PADI6: variants seen among roughly 807,000 people sequenced by gnomAD.
PADI6 encodes the protein inactive protein-arginine deiminase type-6.
A neutral mutation model predicts 78.2 loss-of-function variants in PADI6; 66 were observed. The observed-to-expected ratio is 0.84, with a 90% CI of 0.69 to 1.04. The LOEUF is 1.04. Among genes scored for constraint, PADI6 ranks in the 50% least tolerant of loss-of-function variants. The pLI is 0.00. For missense variants in PADI6, 854 were observed against 866.1 expected, an observed-to-expected ratio of 0.99 and a Z score of 0.18; for synonymous variants, 397 against 346.9, an observed-to-expected ratio of 1.14 and a Z score of -1.60.
intron 3 of PADI6, 33 bp downstream of exon 3, chr1:17,375,532 C>A: frequency 6.4e-7 from 1 of 1,557,044 alleles, no homozygotes; most frequent in East Asian, 2.3e-5. Flanking sequence ...GCCTGGGGCC[C>A]AACTCACCGC....
rs67558374 is a variant in PADI6, at chr1:17,395,210, T to C, written c.1494+103T>C. The C allele has an allele frequency of 2.8e-4, 379 of 1,363,540 alleles. 3 individuals carry two copies. In the African/African-American group the frequency reaches 6.0e-3, roughly 22 times the overall value. 84.5% of individuals were successfully genotyped at this position (1,363,540 alleles called of 1,614,324 possible). ...ACTGGCTTTTTCTTGTTTTTTTTTTTTTTTGTTTGTTTTTTGAGAGTCTTG... is the reference window on the plus strand; with the variant it reads ...ACTGGCTTTTTCTTGTTTTTTTTTTCTTTTGTTTGTTTTTTGAGAGTCTTG... On this transcript the variant is annotated intron_variant, in intron 12 of 15. Transcript: ENST00000619609.
intron 1 of PADI6, among the ~76,000 whole-genome samples, chr1:17,372,617 T>A (rs1352878284): frequency 6.6e-6 from 1 of 152,078 alleles, no homozygotes; most frequent in Non-Finnish European, 1.5e-5. Flanking sequence ...TGTTCCCCTA[T>A]CTGTGAAACC....
intron 9 of PADI6, 119 bp downstream of exon 9, chr1:17,392,344 C>CG (rs1557606187): frequency 1.5e-5 from 11 of 711,944 alleles, no homozygotes; most frequent in East Asian, 8.3e-5. Context: ...TTGATAGGGG[C>CG]GGCCCTGTTC....
In PADI6 at chr1:17,372,264, C is replaced by CT. The variant is rs2074968925; in HGVS notation, c.19_20insT (p.Arg7LeufsTer61). ...CCTGAGGATGGTCAGCGTGGAGGGC[C>CT]GAGCCATGTCCTTCCAGAGTATCAT... is the stretch of plus-strand genomic sequence containing the variant. On this transcript the variant is annotated frameshift_variant, in exon 1 of 16. Coordinates refer to ENST00000619609, the MANE Select transcript of PADI6 (RefSeq NM_207421.4). LOFTEE classifies it high-confidence loss of function. 2 of 1,613,954 alleles carry CT rather than the reference C, an allele frequency of 1.2e-6. No individual in the cohort carries two copies. The highest frequency in any genetic ancestry group is 1.7e-4 in the Middle Eastern group (1 of 6,058).
rs770087650 is a variant in PADI6 at position 17,394,931 on chromosome 1, T to A, written c.1338-20T>A. The A allele has an allele frequency of 7.5e-6, 12 of 1,591,350 alleles. No individual in the cohort carries two copies. The East Asian group carries it at 2.7e-4, about 36-fold the overall frequency. On this transcript the variant is annotated intron_variant, in intron 11 of 15. Coordinates refer to ENST00000619609, the MANE Select transcript of PADI6 (RefSeq NM_207421.4). ...TGGGCCACACTGGCTCAAGAGCTGT[T>A]CTTTCCATCTTCCTTCTAGCGCAGA...
At chr1:17,380,275 T>C (rs1216528466) in intron 4 of PADI6, among the ~76,000 whole-genome samples, 1 of 152,206 alleles carries the variant, frequency 6.6e-6, no homozygotes, top group Non-Finnish European at 1.5e-5. Context: ...AGTGGCATGA[T>C]CTTAGCTCAC....
chr1:17,398,990 C>T lies in PADI6; in HGVS notation c.1851+143C>T, dbSNP rs181850073. On this transcript the variant is annotated intron_variant, in intron 15 of 15. Coordinates refer to ENST00000619609, the MANE Select transcript of PADI6 (RefSeq NM_207421.4). ...AATGGGAGGGAGACCCCTTCTCCCC[C>T]ATCTCGGTTAGGGACGCCCCACCCA... The T allele has an allele frequency of 1.8e-5, 17 of 964,830 alleles. No homozygotes were observed. In the East Asian group the frequency reaches 2.9e-4, roughly 17 times the overall value. 59.8% of individuals were successfully genotyped at this position (964,830 alleles called of 1,614,324 possible). A position where few individuals can be genotyped will look rare whatever the true frequency, so the allele number is the denominator to read the frequency against.
chr1:17,380,790 C>T (rs761165188), intron 4 of PADI6, among the ~76,000 whole-genome samples: 17 of 152,160 alleles, frequency 1.1e-4, no homozygotes, highest in Non-Finnish European at 1.0e-4. Context: ...CAATTTGCCT[C>T]GGTCCCTGAT....
chr1:17,373,530 T>G (rs1010961634), intron 2 of PADI6, among the ~76,000 whole-genome samples: 9 of 151,926 alleles, frequency 5.9e-5, no homozygotes, highest in African/African-American at 2.2e-4. Flanking sequence ...TCACGCTCAT[T>G]GCCCAGACTG....
intron 11 of PADI6, 107 bp downstream of exon 11, chr1:17,394,561 A>G (rs2075226607): frequency 4.1e-6 from 5 of 1,230,226 alleles, no homozygotes; most frequent in Non-Finnish European, 5.6e-6. Flanking sequence ...ACACTGGACC[A>G]TTTCTTAAAC....
At chr1:17,382,176 C>G in intron 6 of PADI6, 84 bp downstream of exon 6, 1 of 1,507,964 alleles carries the variant, frequency 6.6e-7, no homozygotes, top group Non-Finnish European at 9.0e-7. Context: ...CAGCAAGGTC[C>G]CCAGCAGAAG....
At position 17,388,469 on chromosome 1, in the gene PADI6, T is replaced by C. The variant is rs140563946; in HGVS notation, c.768T>C (p.Thr256=). 4.3e-6 allele frequency: 7 copies of C among 1,613,754 alleles called. No individual in the cohort carries two copies. Among genetic ancestry groups the C allele is most frequent in the African/African-American group, 2.7e-5 (2 of 75,048 alleles). The change falls in exon 7 of 16, where the codon ACT becomes ACC. Residue 256 remains threonine (T), a synonymous_variant. Coordinates refer to ENST00000619609, the MANE Select transcript of PADI6 (RefSeq NM_207421.4). Reference sequence around the variant, plus strand: ...TCCTCGGGAACCACTTGAAGGAGACTTTCTACGTTGAAGCTATAGCATTCC... The same window carrying C: ...TCCTCGGGAACCACTTGAAGGAGACCTTCTACGTTGAAGCTATAGCATTCC... ...LALLGNHLKE[T]FYVEAIAFPS...
chr1:17,395,723 T>C, intron 13 of PADI6, 60 bp downstream of exon 13: 1 of 1,552,558 alleles, frequency 6.4e-7, no homozygotes, highest in Non-Finnish European at 8.8e-7. Flanking sequence ...AGGGGTCCTT[T>C]CTACATAGCC....
intron 6 of PADI6, among the ~76,000 whole-genome samples, chr1:17,384,568 C>T (rs181230525): frequency 1.5e-3 from 233 of 152,284 alleles, no homozygotes; most frequent in African/African-American, 5.3e-3. Context: ...ATGGTTAAAA[C>T]CATCTGCTAA....
intron 6 of PADI6, among the ~76,000 whole-genome samples, chr1:17,386,793 G>A (rs1192049659): frequency 6.6e-6 from 1 of 152,192 alleles, no homozygotes; most frequent in Non-Finnish European, 1.5e-5. Context: ...CATCGGGAGG[G>A]CTGCTGGGGC....
chr1:17,388,721 G>A, intron 7 of PADI6, 56 bp from the exon 8 acceptor site: 5 of 1,553,810 alleles, frequency 3.2e-6, no homozygotes, highest in Non-Finnish European at 4.4e-6. Flanking sequence ...CCTGGGGTAA[G>A]AGGGGAGCGA....
At chr1:17,397,862 C>T (rs1279047005) in intron 14 of PADI6, among the ~76,000 whole-genome samples, 2 of 152,144 alleles carry the variant, frequency 1.3e-5, no homozygotes, top group Non-Finnish European at 2.9e-5. Context: ...TGACATAGCT[C>T]CGCAGCCTCC....
rs1413619754 is a variant in PADI6, at chr1:17,401,516, C to T, written c.*78C>T. 3 of 1,324,180 alleles carry T rather than the reference C, an allele frequency of 2.3e-6. No individual in the cohort carries two copies. Among genetic ancestry groups the T allele is most frequent in the Non-Finnish European group, 3.2e-6 (3 of 947,960 alleles). The allele number at this position is 1,324,180 out of a possible 1,614,324, so 82.0% of individuals were successfully genotyped here. A position where few individuals can be genotyped will look rare whatever the true frequency, so the allele number is the denominator to read the frequency against. On this transcript the variant is annotated 3_prime_UTR_variant, in exon 16 of 16. Transcript: ENST00000619609. ...CCATGCAACAGCATGATTCTTTGCC[C>T]AGTAGAGGAGGCTGGAGAGTCCAGG...
intron 6 of PADI6, among the ~76,000 whole-genome samples, chr1:17,386,018 C>A (rs193077907): frequency 6.6e-6 from 1 of 151,240 alleles, no homozygotes; most frequent in Admixed American, 6.6e-5. Context: ...GAGGACCCAG[C>A]AGAGGCTGGA....
Sources: allele counts gnomAD v4.1 joint callset (sites outside exome capture counted in the v4.1 genomes callset), GRCh38; gene constraint gnomAD v4.1.1; transcripts MANE v1.5; gene names NCBI Gene and HGNC (gene_info 2026-07-23, HGNC 2026-07-21).